The following PAPPA variants were observed in gnomAD, a reference collection of about 807,000 sequenced individuals.
The protein encoded by PAPPA is pappalysin-1.
In PAPPA, 60 loss-of-function variants were observed where a neutral mutation model predicts 164.0. The observed-to-expected ratio is 0.37, with a 90% CI of 0.30 to 0.45. The LOEUF (loss-of-function observed/expected upper bound fraction) is 0.45. Among genes scored for constraint, PAPPA ranks in the 20% least tolerant of loss-of-function variants. The probability of loss-of-function intolerance (pLI) is 1.00; values close to 1 mark genes in which losing one functional copy is unlikely to be tolerated. For missense variants in PAPPA, 1,782 were observed against 2,087.3 expected (o/e 0.85, Z 2.85); for synonymous variants, 875 against 814.1 (o/e 1.07, Z -1.27).
intron 9 of PAPPA, among the ~76,000 whole-genome samples, chr9:116,276,864 G>A (rs76071167): frequency 2.0e-5 from 3 of 152,198 alleles, no homozygotes; most frequent in African/African-American, 4.8e-5. Flanking sequence ...GAGGGACATC[G>A]AGGAGAGGAG....
chr9:116,154,155 C>CGGGGAGGGGGGGAGGGGGGGGG lies in PAPPA; in HGVS notation c.-14_-13insAGGGGGGGAGGGGGGGGGGGGG. On this transcript the variant is annotated 5_prime_UTR_variant, in exon 1 of 22. Coordinates refer to ENST00000328252, the MANE Select transcript of PAPPA (RefSeq NM_002581.5). This position sits in a 1 kb window ranked among gnomAD's most constrained non-coding sequence, Gnocchi z 5.2. ...TGGCGGTGCAGGGGCGAAGGGGGGG[C>CGGGGAGGGGGGGAGGGGGGGGG]GGGGGGAACCGTCGGACATGCGGCT... 2.2e-6 allele frequency: 1 copy of CGGGGAGGGGGGGAGGGGGGGGG among 464,990 alleles called. No homozygotes were observed. Among genetic ancestry groups the CGGGGAGGGGGGGAGGGGGGGGG allele is most frequent in the Non-Finnish European group, 2.9e-6 (1 of 345,720 alleles). 28.8% of individuals were successfully genotyped at this position (464,990 alleles called of 1,614,324 possible).
intron 10 of PAPPA, among the ~76,000 whole-genome samples, chr9:116,314,180 C>T (rs1299579214): frequency 6.8e-6 from 1 of 146,196 alleles, no homozygotes; most frequent in Admixed American, 7.1e-5. Context: ...TTTCAAGCGT[C>T]CTGCCTCAAC....
intron 9 of PAPPA, among the ~76,000 whole-genome samples, chr9:116,290,992 G>A (rs1845429227): frequency 6.6e-6 from 1 of 151,994 alleles, no homozygotes; most frequent in African/African-American, 2.4e-5. Context: ...TGTGACACTG[G>A]ATTTTACCGC....
chr9:116,326,136 AAGT>A (rs1845917928), intron 10 of PAPPA, among the ~76,000 whole-genome samples: 1 of 152,150 alleles, frequency 6.6e-6, no homozygotes, highest in Admixed American at 6.5e-5. Flanking sequence ...TATGTCCATG[AAGT>A]AATCAAGAGG....
chr9:116,303,987 G>A (rs1587995143), intron 10 of PAPPA, among the ~76,000 whole-genome samples: 1 of 152,160 alleles, frequency 6.6e-6, no homozygotes, highest in East Asian at 1.9e-4. Context: ...TCAGGAGAGT[G>A]GAAACAAATG....
rs1374378250 is a variant in PAPPA at position 116,387,930 on chromosome 9, A to G, written c.4776+5437A>G. On this transcript the variant is annotated intron_variant, in intron 21 of 21. Transcript: ENST00000328252. ...GAATGGAGTTCTTGGTATGAACTCC[A>G]GGCCCAGAGTTAAGCACTCAGCATC... Among the ~76,000 whole-genome samples, 3 of 152,188 alleles carry G rather than the reference A, an allele frequency of 2.0e-5. No individual in the cohort carries two copies. The East Asian group carries it at 5.8e-4, about 29-fold the overall frequency.
At chr9:116,197,414 A>G (rs1352914773) in intron 2 of PAPPA, among the ~76,000 whole-genome samples, 1 of 152,180 alleles carries the variant, frequency 6.6e-6, no homozygotes, top group African/African-American at 2.4e-5. Context: ...CTCTATGACA[A>G]GTTGAAAAAA....
chr9:116,187,129 A>G lies in PAPPA; in HGVS notation c.416-25A>G, dbSNP rs746482505. On this transcript the variant is annotated intron_variant, in intron 1 of 21. Coordinates refer to ENST00000328252, the MANE Select transcript of PAPPA (RefSeq NM_002581.5). This position sits in a 1 kb window ranked among gnomAD's most constrained non-coding sequence, Gnocchi z 4.2. Reference sequence around the variant, plus strand: ...CTCCTTTTCCATCCTTTATTTATTCATCTTTCTCTTTTGGGGCCACATAGG... The same window carrying G: ...CTCCTTTTCCATCCTTTATTTATTCGTCTTTCTCTTTTGGGGCCACATAGG... The G allele has an allele frequency of 4.6e-6, 7 of 1,517,922 alleles. No homozygotes were observed. In the Admixed American group the frequency reaches 6.9e-5, roughly 15 times the overall value. The allele number at this position is 1,517,922 out of a possible 1,614,324, so 94.0% of individuals were successfully genotyped here.
At chr9:116,191,404 A>G (rs733188) in intron 2 of PAPPA, among the ~76,000 whole-genome samples, 20 of 152,178 alleles carry the variant, frequency 1.3e-4, no homozygotes, top group Non-Finnish European at 2.2e-4. Context: ...TGAGCACTGC[A>G]CAGTAATATC....
intron 10 of PAPPA, among the ~76,000 whole-genome samples, chr9:116,315,441 A>G (rs924896829): frequency 6.6e-6 from 1 of 152,228 alleles, no homozygotes; most frequent in Non-Finnish European, 1.5e-5. Context: ...GGCCTGGCAT[A>G]TAGAATTTCA....
At chr9:116,385,279 AAAT>A (rs1328125756) in intron 21 of PAPPA, among the ~76,000 whole-genome samples, 3 of 109,030 alleles carry the variant, frequency 2.8e-5, no homozygotes, top group Non-Finnish European at 5.6e-5. Context: ...ATAAATAAAT[AAAT>A]AATAATTTGG....
At chr9:116,298,968 G>C (rs1453474529) in intron 9 of PAPPA, among the ~76,000 whole-genome samples, 2 of 152,196 alleles carry the variant, frequency 1.3e-5, no homozygotes, top group Non-Finnish European at 2.9e-5. Context: ...GTTTGTTTTA[G>C]TGTTTTGTTG....
rs1554755536 is a variant in PAPPA, at chr9:116,365,566, T to TTTTTCC, written c.4496-2079_4496-2078insTTTTCC. Among the ~76,000 whole-genome samples the TTTTTCC allele has an allele frequency of 2.1e-4, 29 of 137,936 alleles. 1 individual carries two copies. The highest frequency in any genetic ancestry group is 6.8e-4 in the East Asian group (3 of 4,392). The allele number at this position is 137,936 out of a possible 152,430, so 90.5% of individuals were successfully genotyped here. The stretch of plus-strand genomic sequence containing the variant: ...TTTGACAACCGTTTTTTTTTTTTTT[T>TTTTTCC]CCTCTCTTGGGATAAGATAGCCTTT... On this transcript the variant is annotated intron_variant, in intron 18 of 21. Transcript: ENST00000328252.
Position 116,187,240 on chromosome 9 carries a change from C to T in PAPPA, c.502C>T (p.Pro168Ser), listed in dbSNP as rs746194411. 2 of 1,614,100 alleles carry T rather than the reference C, an allele frequency of 1.2e-6. No individual in the cohort carries two copies. Among genetic ancestry groups the T allele is most frequent in the East Asian group, 4.5e-5 (2 of 44,884 alleles). ...CATCAGTGACCAAGACAACAAAGAC[C>T]CACGCTACTTTTTCTCCTTGAAGAC... ...HTISDQDNKD[P>S]RYFFSLKTDR... Residue 168 changes from proline to serine, a missense_variant, in exon 2 of 22, where the codon CCA (proline) becomes TCA (serine). By Grantham distance (74) the Pro-to-Ser change is moderately conservative (BLOSUM62 -1). Around this residue, in one of 2 missense-constraint regions of PAPPA, gnomAD observed 458 missense variants for 430.3 expected, o/e 1.06. Transcript: ENST00000328252. This position sits in a 1 kb window ranked among gnomAD's most constrained non-coding sequence, Gnocchi z 4.2.
intron 10 of PAPPA, among the ~76,000 whole-genome samples, chr9:116,306,631 C>T (rs1255182376): frequency 1.3e-5 from 2 of 152,288 alleles, no homozygotes; most frequent in East Asian, 3.9e-4. Flanking sequence ...TGGAAATTAA[C>T]CGAAAAAATC....
At chr9:116,162,493 GGTTGATCACA>G in intron 1 of PAPPA, among the ~76,000 whole-genome samples, 1 of 152,300 alleles carries the variant, frequency 6.6e-6, no homozygotes, top group Middle Eastern at 3.4e-3. Flanking sequence ...ATTTTGCAAT[GGTTGATCACA>G]GGACTCAGGA....
intron 16 of PAPPA, 47 bp downstream of exon 16, chr9:116,352,963 A>AGTT (rs759868095): frequency 6.9e-7 from 1 of 1,443,802 alleles, no homozygotes; most frequent in Middle Eastern, 1.7e-4. Context: ...GGAGGACAAG[A>AGTT]GTTAGGTTCA....
At chr9:116,367,880 C>CCACAGGGCAGGTGTGA in intron 19 of PAPPA, 126 bp downstream of exon 19, 2 of 702,166 alleles carry the variant, frequency 2.8e-6, no homozygotes, top group Non-Finnish European at 5.1e-6. Context: ...ATCATCACAC[C>CCACAGGGCAGGTGTGA]TGCCCTGTGG....
intron 13 of PAPPA, among the ~76,000 whole-genome samples, chr9:116,342,585 G>A (rs755920250): frequency 6.6e-6 from 1 of 152,064 alleles, no homozygotes; most frequent in Non-Finnish European, 1.5e-5. Context: ...TTGAGCAGAG[G>A]GTAGAGAATA....
Sources: allele counts gnomAD v4.1 joint callset (sites outside exome capture counted in the v4.1 genomes callset), GRCh38; gene constraint gnomAD v4.1.1; regional missense constraint gnomAD v4.1.1; non-coding constraint Gnocchi (gnomAD v3.1); transcripts MANE v1.5; gene names NCBI Gene and HGNC (gene_info 2026-07-23, HGNC 2026-07-21).